Variants in FUBP3 observed in about 807,000 individuals in gnomAD.
FUBP3 encodes far upstream element binding protein 3.
A neutral mutation model predicts 85.6 loss-of-function variants in FUBP3; 28 were observed. The ratio of observed to expected loss-of-function variants is 0.33; its 90% CI spans 0.24 to 0.45. The LOEUF is 0.45. Among genes scored for constraint, FUBP3 ranks in the 20% least tolerant of loss-of-function variants. FUBP3 has a pLI of 1.00. For synonymous variants in FUBP3, 271 were observed against 271.4 expected, an observed-to-expected ratio of 1.00 and a Z score of 0.01; for missense variants, 583 against 755.1, an observed-to-expected ratio of 0.77 and a Z score of 2.67.
chr9:130,636,874 T>C lies in FUBP3; in HGVS notation c.1711-140T>C, dbSNP rs1405488718. ...GCTCTTCCCTGCCCCAAGTCCCTAGTGGAGAGAGAAGCCCAAGACCTCTTC... is the reference window on the plus strand; with the variant it reads ...GCTCTTCCCTGCCCCAAGTCCCTAGCGGAGAGAGAAGCCCAAGACCTCTTC... On this transcript the variant is annotated intron_variant, in intron 18 of 18. Coordinates refer to ENST00000319725, the MANE Select transcript of FUBP3 (RefSeq NM_003934.2). 4 of 732,448 alleles carry C rather than the reference T, an allele frequency of 5.5e-6. No individual in the cohort carries two copies. In the East Asian group the frequency reaches 1.0e-4, roughly 19 times the overall value. 45.4% of individuals were successfully genotyped at this position (732,448 alleles called of 1,614,324 possible).
intron 2 of FUBP3, 78 bp from the exon 3 acceptor site, chr9:130,609,876 T>G: frequency 2.7e-6 from 3 of 1,110,726 alleles, no homozygotes; most frequent in Non-Finnish European, 4.1e-6. Flanking sequence ...CCACCCGAAA[T>G]GGTAAGAATG....
intron 7 of FUBP3, among the ~76,000 whole-genome samples, chr9:130,617,239 CT>C (rs1564211765): frequency 6.6e-6 from 1 of 152,198 alleles, no homozygotes; most frequent in Non-Finnish European, 1.5e-5. Flanking sequence ...TATAAGTAAA[CT>C]TTCTTTCAGA....
intron 12 of FUBP3, among the ~76,000 whole-genome samples, chr9:130,629,985 C>G (rs1210984928): frequency 6.6e-6 from 1 of 152,222 alleles, no homozygotes; most frequent in Non-Finnish European, 1.5e-5. Flanking sequence ...AAGAGACCAA[C>G]TGAATTTTTG....
chr9:130,614,205 C>A, intron 5 of FUBP3, 83 bp from the exon 6 acceptor site: 2 of 785,896 alleles, frequency 2.5e-6, no homozygotes. Context: ...GCGTAGGAAG[C>A]AGCCCTAGAG....
intron 9 of FUBP3, among the ~76,000 whole-genome samples, chr9:130,622,165 A>G (rs529751413): frequency 6.6e-6 from 1 of 151,446 alleles, no homozygotes; most frequent in Admixed American, 6.6e-5. Flanking sequence ...TCTACTAAAA[A>G]ATACAAAAAT....
chr9:130,603,537 G>A (rs60237677), intron 2 of FUBP3, among the ~76,000 whole-genome samples: 2 of 152,004 alleles, frequency 1.3e-5, no homozygotes, highest in African/African-American at 4.8e-5. Flanking sequence ...ACTCACATGG[G>A]TACATACATA....
At position 130,600,266 on chromosome 9, in the gene FUBP3, G is replaced by T. The variant is rs190513671; in HGVS notation, c.190+4678G>T. The stretch of plus-strand genomic sequence containing the variant: ...TTCCGCGGTTACTGGGTCCCGCTGT[G>T]CACCTCTCCTAGCAGAGCCTACGTG... On this transcript the variant is annotated intron_variant, in intron 2 of 18. Transcript: ENST00000319725. Among the ~76,000 whole-genome samples, 411 of 152,138 alleles carry T rather than the reference G, an allele frequency of 2.7e-3. 3 individuals are homozygous for T. Among genetic ancestry groups the T allele is most frequent in the African/African-American group, 9.7e-3 (403 of 41,480 alleles).
intron 1 of FUBP3, among the ~76,000 whole-genome samples, chr9:130,589,693 ATATATATATATATTTTTTT>A (rs1159730149): frequency 6.7e-5 from 2 of 29,830 alleles, no homozygotes; most frequent in Non-Finnish European, 1.2e-4. Context: ...ATATATATAT[ATATATATATATATTTTTTT>A]TTTTTTTTTT....
intron 2 of FUBP3, among the ~76,000 whole-genome samples, chr9:130,606,697 G>A (rs113527945): frequency 0.031 from 4,699 of 152,188 alleles, 263 homozygotes; most frequent in African/African-American, 0.11. Flanking sequence ...GCGCATGCCT[G>A]TAATCCCAGC....
At chr9:130,590,137 GA>G (rs1830561101) in intron 1 of FUBP3, among the ~76,000 whole-genome samples, 1 of 140,968 alleles carries the variant, frequency 7.1e-6, no homozygotes. Flanking sequence ...ATCATAAGTG[GA>G]AAACTTTGTC....
intron 11 of FUBP3, among the ~76,000 whole-genome samples, chr9:130,623,937 A>T (rs1325981702): frequency 6.6e-6 from 1 of 152,074 alleles, no homozygotes; most frequent in Non-Finnish European, 1.5e-5. Flanking sequence ...TTGCCTTTAC[A>T]CAGTAAGTTT....
chr9:130,595,794 T>C (rs1830840078), intron 2 of FUBP3, among the ~76,000 whole-genome samples: 1 of 152,246 alleles, frequency 6.6e-6, no homozygotes, highest in Admixed American at 6.5e-5. Flanking sequence ...ATCTTTTCGC[T>C]GGGCTCTGAG....
intron 1 of FUBP3, among the ~76,000 whole-genome samples, chr9:130,593,508 G>A (rs544073091): frequency 6.6e-6 from 1 of 152,344 alleles, no homozygotes; most frequent in African/African-American, 2.4e-5. Context: ...GTATTACCCT[G>A]GGGCATCATG....
chr9:130,603,646 T>C (rs1831278078), intron 2 of FUBP3, among the ~76,000 whole-genome samples: 1 of 152,196 alleles, frequency 6.6e-6, no homozygotes, highest in Non-Finnish European at 1.5e-5. Flanking sequence ...TAAAATAGTA[T>C]TCATTTTCCA....
chr9:130,631,191 G>A, intron 13 of FUBP3: 1 of 1,175,848 alleles, frequency 8.5e-7, no homozygotes, highest in Non-Finnish European at 1.1e-6. Flanking sequence ...ATAAAGAAAG[G>A]GAGTGTTGAT....
intron 11 of FUBP3, 163 bp from the exon 12 acceptor site, chr9:130,626,201 T>G (rs1829964494): frequency 1.5e-6 from 1 of 688,116 alleles, no homozygotes; most frequent in Admixed American, 2.8e-5. Flanking sequence ...TCGGTGTTAA[T>G]TCTGGCTTGA....
At chr9:130,634,294 G>A (rs1050269052) in intron 16 of FUBP3, among the ~76,000 whole-genome samples, 1 of 152,224 alleles carries the variant, frequency 6.6e-6, no homozygotes, top group African/African-American at 2.4e-5. Context: ...CAGAGGCACA[G>A]CCCCCAGGCC....
chr9:130,593,381 T>C (rs574271251), intron 1 of FUBP3, among the ~76,000 whole-genome samples: 1 of 152,340 alleles, frequency 6.6e-6, no homozygotes, highest in South Asian at 2.1e-4. Context: ...ACACAGTAGG[T>C]ACTTAACATT....
intron 11 of FUBP3, 26 bp downstream of exon 11, chr9:130,623,737 G>T (rs778211786): frequency 6.7e-7 from 1 of 1,498,736 alleles, no homozygotes; most frequent in Admixed American, 1.7e-5. Context: ...CAGAGTGTGA[G>T]TGTTTGGGCT....
Sources: allele counts gnomAD v4.1 joint callset (sites outside exome capture counted in the v4.1 genomes callset), GRCh38; gene constraint gnomAD v4.1.1; transcripts MANE v1.5; gene names NCBI Gene and HGNC (gene_info 2026-07-23, HGNC 2026-07-21).